MYO6: variants seen among roughly 807,000 people sequenced by gnomAD.
MYO6 encodes the protein unconventional myosin-VI.
MYO6 carries 74 observed loss-of-function variants against 178.7 expected under a neutral mutation model. The ratio of observed to expected loss-of-function variants is 0.41; its 90% CI spans 0.34 to 0.50. The LOEUF (loss-of-function observed/expected upper bound fraction) is 0.50, where lower values mean the gene tolerates loss of function less well. Ranked by LOEUF, MYO6 falls within the 20% of genes least tolerant of loss-of-function variation. MYO6 has a pLI of 0.09. For missense variants in MYO6, 1,330 were observed against 1,547.4 expected (o/e 0.86, Z 2.36); for synonymous variants, 477 against 504.6 (o/e 0.95, Z 0.73).
intron 1 of MYO6, among the ~76,000 whole-genome samples, chr6:75,769,598 C>G (rs1036221688): frequency 2.6e-5 from 4 of 152,194 alleles, no homozygotes; most frequent in African/African-American, 4.8e-5. Flanking sequence ...CCCTCTGCTG[C>G]TCTCAAGAAT....
intron 18 of MYO6, among the ~76,000 whole-genome samples, chr6:75,868,305 A>G (rs548577467): frequency 6.6e-6 from 1 of 151,936 alleles, no homozygotes; most frequent in East Asian, 1.9e-4. Context: ...TCAGTGAACA[A>G]TCTTTTTTTT....
intron 1 of MYO6, among the ~76,000 whole-genome samples, chr6:75,802,643 A>G (rs2150121869): frequency 6.6e-6 from 1 of 151,620 alleles, no homozygotes; most frequent in African/African-American, 2.4e-5. Flanking sequence ...GCACCACTTC[A>G]CCCAGCTAGT....
At chr6:75,865,539 A>G (rs1776590919) in intron 16 of MYO6, among the ~76,000 whole-genome samples, 2 of 150,058 alleles carry the variant, frequency 1.3e-5, no homozygotes, top group Admixed American at 1.3e-4. Context: ...AATTTTGCAT[A>G]TTTTTTATAG....
At chr6:75,906,817 A>T (rs1780365075) in intron 30 of MYO6, among the ~76,000 whole-genome samples, 1 of 152,184 alleles carries the variant, frequency 6.6e-6, no homozygotes. Context: ...CTCTTTCCCC[A>T]TATGTGCTAC....
chr6:75,826,245 G>C (rs1772455082), intron 3 of MYO6, among the ~76,000 whole-genome samples: 1 of 152,156 alleles, frequency 6.6e-6, no homozygotes, highest in African/African-American at 2.4e-5. Flanking sequence ...GTGTCTTCTT[G>C]AAAATGGAAT....
rs1562280355 is a variant in MYO6 at position 75,881,715 on chromosome 6, G to A, written c.2313G>A (p.Lys771=). ...TTGCAGAATTTGATCAGATCATGAA[G>A]TCTGACCCTGACCACTTAGCAGAGT... ...GKFAEFDQIM[K]SDPDHLAELV... Residue 771 remains lysine (K), a synonymous_variant, in exon 23 of 35, where the codon AAG becomes AAA. Coordinates refer to ENST00000369977, the MANE Select transcript of MYO6 (RefSeq NM_004999.4). The A allele has an allele frequency of 6.2e-7, 1 of 1,613,894 alleles. No individual in the cohort carries two copies. The highest frequency in any genetic ancestry group is 1.1e-5 in the South Asian group (1 of 91,070).
At chr6:75,874,430 C>G (rs557676787) in intron 20 of MYO6, among the ~76,000 whole-genome samples, 20 of 152,198 alleles carry the variant, frequency 1.3e-4, no homozygotes, top group Non-Finnish European at 2.4e-4. Context: ...ACTGGTCAGA[C>G]CCATCCTGCT....
chr6:75,897,741 A>G (rs1779418113), intron 29 of MYO6, among the ~76,000 whole-genome samples: 2 of 152,364 alleles, frequency 1.3e-5, no homozygotes, highest in East Asian at 3.9e-4. Flanking sequence ...AATTAAACAA[A>G]ATTTGATAAA....
chr6:75,884,975 G>T (rs1778317313), intron 23 of MYO6, among the ~76,000 whole-genome samples: 1 of 152,174 alleles, frequency 6.6e-6, no homozygotes, highest in Non-Finnish European at 1.5e-5. Flanking sequence ...AGGCTGACTG[G>T]TTCCCCAGGC....
intron 1 of MYO6, among the ~76,000 whole-genome samples, chr6:75,805,669 A>G (rs1352158226): frequency 1.3e-5 from 2 of 152,244 alleles, no homozygotes; most frequent in Non-Finnish European, 2.9e-5. Context: ...TTAAAAATAC[A>G]TTATCAATTG....
intron 10 of MYO6, among the ~76,000 whole-genome samples, chr6:75,847,550 A>G (rs1774850053): frequency 6.6e-6 from 1 of 152,074 alleles, no homozygotes; most frequent in South Asian, 2.1e-4. Context: ...AGAGTCTAAC[A>G]AATGAGCACA....
chr6:75,892,733 T>C, intron 28 of MYO6, 43 bp downstream of exon 28: 3 of 1,603,382 alleles, frequency 1.9e-6, no homozygotes, highest in Non-Finnish European at 2.6e-6. Context: ...TCTCCTTTGC[T>C]TTCTCTACCT....
At chr6:75,759,170 G>A (rs539629671) in intron 1 of MYO6, among the ~76,000 whole-genome samples, 6 of 152,134 alleles carry the variant, frequency 3.9e-5, no homozygotes, top group South Asian at 2.1e-4. Flanking sequence ...GCGCCCGGCC[G>A]TTTCTATAGA....
intron 32 of MYO6, among the ~76,000 whole-genome samples, chr6:75,910,757 A>G (rs1780699013): frequency 6.6e-6 from 1 of 152,134 alleles, no homozygotes; most frequent in African/African-American, 2.4e-5. Context: ...ACACAGGAGC[A>G]TAGCTAAAAG....
intron 24 of MYO6, among the ~76,000 whole-genome samples, chr6:75,886,597 CTAGAT>C (rs1240964005): frequency 1.3e-5 from 2 of 152,108 alleles, no homozygotes; most frequent in African/African-American, 4.8e-5. Context: ...TTCAAAGAGA[CTAGAT>C]TAATTTCCTC....
At chr6:75,783,342 T>C (rs1767178060) in intron 1 of MYO6, among the ~76,000 whole-genome samples, 1 of 152,198 alleles carries the variant, frequency 6.6e-6, no homozygotes, top group African/African-American at 2.4e-5. Flanking sequence ...TGGGAAATAT[T>C]GCCTGGGTCA....
At chr6:75,800,108 A>G (rs1769293455) in intron 1 of MYO6, among the ~76,000 whole-genome samples, 2 of 152,126 alleles carry the variant, frequency 1.3e-5, no homozygotes, top group Non-Finnish European at 2.9e-5. Context: ...AATTCAATAA[A>G]TGTTTGTAGA....
Position 75,857,139 on chromosome 6 carries a change from C to T in MYO6, c.1266C>T (p.Ala422=), listed in dbSNP as rs1451398925. The change falls in exon 13 of 35, where the codon GCC becomes GCT. Residue 422 remains alanine (A), a synonymous_variant. Coordinates refer to ENST00000369977, the MANE Select transcript of MYO6 (RefSeq NM_004999.4). ...KVEQANNARD[A]LAKTVYSHLF... is the part of the protein sequence containing the mutation. ...AGCAAGCAAACAATGCTCGTGATGC[C>T]CTGGCAAAGACAGTGTATAGCCATC... 1 of 1,613,790 alleles carries T rather than the reference C, an allele frequency of 6.2e-7. No homozygotes were observed. The highest frequency in any genetic ancestry group is 8.5e-7 in the Non-Finnish European group (1 of 1,179,904).
chr6:75,752,917 GA>G (rs1777020573), intron 1 of MYO6, among the ~76,000 whole-genome samples: 1 of 152,160 alleles, frequency 6.6e-6, no homozygotes, highest in South Asian at 2.1e-4. Context: ...TTCCTCTAAT[GA>G]AAAAGATAAT....
Sources: allele counts gnomAD v4.1 joint callset (sites outside exome capture counted in the v4.1 genomes callset), GRCh38; gene constraint gnomAD v4.1.1; transcripts MANE v1.5; gene names NCBI Gene and HGNC (gene_info 2026-07-23, HGNC 2026-07-21).